The following SNRPN variants were observed in gnomAD, a reference collection of about 807,000 sequenced individuals.
SNRPN encodes small nuclear ribonucleoprotein polypeptide N, also known as small nuclear ribonucleoprotein-associated protein N.
Under a neutral mutation model 25.2 loss-of-function variants are expected in SNRPN, and 7 were observed. The observed-to-expected ratio is 0.28, with a 90% CI of 0.16 to 0.52. The LOEUF (loss-of-function observed/expected upper bound fraction) is 0.52, where lower values mean the gene tolerates loss of function less well. SNRPN is among the 20% of genes least tolerant of loss of function. The pLI is 0.96. For missense variants in SNRPN, 196 were observed against 322.5 expected (o/e 0.61, Z 3.00); for synonymous variants, 124 against 110.6 (o/e 1.12, Z -0.76).
intron 1 of SNRPN, among the ~76,000 whole-genome samples, chr15:24,868,403 TG>T (rs1386687490): frequency 6.6e-6 from 1 of 152,202 alleles, no homozygotes; most frequent in Non-Finnish European, 1.5e-5. Flanking sequence ...TTCTCCCACA[TG>T]GCAGAATGCT....
intron 3 of SNRPN, among the ~76,000 whole-genome samples, chr15:24,935,917 C>CAT (rs2152955400): frequency 6.6e-6 from 1 of 152,000 alleles, no homozygotes; most frequent in East Asian, 1.9e-4. Context: ...AGTTCAAGAC[C>CAT]AGCCTGGCCA....
At chr15:24,915,241 C>A (rs756778207) in intron 2 of SNRPN, among the ~76,000 whole-genome samples, 10 of 152,034 alleles carry the variant, frequency 6.6e-5, no homozygotes, top group African/African-American at 9.7e-5. Context: ...GATTCTCCTG[C>A]CTCAGCCTCC....
intron 3 of SNRPN, among the ~76,000 whole-genome samples, chr15:24,970,544 G>A (rs1189484779): frequency 6.6e-6 from 1 of 152,090 alleles, no homozygotes; most frequent in African/African-American, 2.4e-5. Flanking sequence ...GTGCCACTGC[G>A]CTTCAGCCTG....
At chr15:24,832,490 G>C (rs1488835026) in intron 2 of SNRPN, among the ~76,000 whole-genome samples, 2 of 151,976 alleles carry the variant, frequency 1.3e-5, no homozygotes, top group Non-Finnish European at 2.9e-5. Context: ...CAGTCAGCAG[G>C]ATTCTAAAAG....
intron 1 of SNRPN, among the ~76,000 whole-genome samples, chr15:24,867,733 A>G (rs1025590749): frequency 2.0e-5 from 3 of 152,086 alleles, no homozygotes; most frequent in Admixed American, 6.5e-5. Context: ...CCACTCCAAC[A>G]GTCTGTGTCT....
intron 1 of SNRPN, among the ~76,000 whole-genome samples, chr15:24,824,109 C>T (rs542433849): frequency 6.6e-6 from 1 of 151,958 alleles, no homozygotes; most frequent in African/African-American, 2.4e-5. Context: ...TAGTGTTTTC[C>T]AGAAATTTGC....
intron 1 of SNRPN, among the ~76,000 whole-genome samples, chr15:24,873,396 G>T (rs113662179): frequency 8.7e-6 from 1 of 114,504 alleles, no homozygotes; most frequent in South Asian, 3.3e-4. Context: ...GCACGATCCC[G>T]ACTCACTGCA....
intron 2 of SNRPN, among the ~76,000 whole-genome samples, chr15:24,839,157 TAGA>T (rs1197526253): frequency 2.2e-4 from 33 of 152,176 alleles, no homozygotes; most frequent in Non-Finnish European, 1.5e-5. Context: ...TACTACTAGA[TAGA>T]AGTACCGCCT....
chr15:24,863,560 T>C (rs555541760), intron 1 of SNRPN, among the ~76,000 whole-genome samples: 38 of 150,844 alleles, frequency 2.5e-4, no homozygotes, highest in Middle Eastern at 3.4e-3. Context: ...TTTTGACTTT[T>C]TTCTACCACA....
chr15:24,950,670 C>T (rs1245590275), upstream of SNRPN, among the ~76,000 whole-genome samples: 1 of 150,644 alleles, frequency 6.6e-6, no homozygotes, highest in African/African-American at 2.4e-5. Flanking sequence ...ACCTCAGCCT[C>T]CCGAGTAGCT....
chr15:24,911,158 G>A (rs1436090444), intron 2 of SNRPN: 2 of 577,234 alleles, frequency 3.5e-6, no homozygotes, highest in Non-Finnish European at 5.4e-6. Context: ...TGCTGGAAAG[G>A]GCCAAAGAAA....
chr15:24,837,553 TA>T (rs2051313239), intron 2 of SNRPN, among the ~76,000 whole-genome samples: 1 of 151,602 alleles, frequency 6.6e-6, no homozygotes, highest in African/African-American at 2.4e-5. Context: ...GTATTTTTGG[TA>T]GAGACGGGGT....
At chr15:24,850,082 A>G (rs992041330) in intron 2 of SNRPN, 1 of 152,154 alleles carries the variant, frequency 6.6e-6, no homozygotes, top group African/African-American at 2.4e-5. Context: ...AGGCTGGACC[A>G]CTGTCTGTGT....
At chr15:24,921,641 C>T (rs956951285) in intron 3 of SNRPN, among the ~76,000 whole-genome samples, 2 of 152,058 alleles carry the variant, frequency 1.3e-5, no homozygotes, top group African/African-American at 4.8e-5. Context: ...GTTAACATGT[C>T]GTAACTGAGG....
Position 24,967,950 on chromosome 15 carries a change from G to C in SNRPN, c.-276G>C, listed in dbSNP as rs148434270. On this transcript the variant is annotated 5_prime_UTR_variant, in exon 3 of 10. Transcript: ENST00000390687. ...GTTGTAGGTGTCAGTTGTACCCGAG[G>C]CGTTCTCAGCAGCAGCAAGTACCTG... The C allele has an allele frequency of 4.6e-4, 746 of 1,613,898 alleles. No individual in the cohort carries two copies. The highest frequency in any genetic ancestry group is 6.0e-4 in the Non-Finnish European group (705 of 1,180,010).
intron 2 of SNRPN, among the ~76,000 whole-genome samples, chr15:24,898,111 A>G (rs1236035655): frequency 1.3e-5 from 2 of 152,178 alleles, no homozygotes; most frequent in Non-Finnish European, 2.9e-5. Flanking sequence ...TGCTAACACC[A>G]TAGGGGCAAA....
chr15:24,955,201 A>G, intron 1 of SNRPN, 139 bp downstream of exon 1: 1 of 1,197,550 alleles, frequency 8.4e-7, no homozygotes. Flanking sequence ...CTGGAGAACC[A>G]GATCCGGAAT....
intron 1 of SNRPN, among the ~76,000 whole-genome samples, chr15:24,881,878 C>T (rs937972340): frequency 2.6e-5 from 4 of 152,142 alleles, no homozygotes; most frequent in African/African-American, 7.2e-5. Context: ...GGTACCAGAA[C>T]AAAGCCTGGC....
intron 3 of SNRPN, among the ~76,000 whole-genome samples, chr15:24,923,876 C>CGTGTGTGTGTGTGTGTGTGT (rs1488829289): frequency 1.2e-4 from 13 of 107,052 alleles, no homozygotes; most frequent in Non-Finnish European, 2.0e-4. Context: ...TTTTTAGTGC[C>CGTGTGTGTGTGTGTGTGTGT]GTGTATGTGT....
Sources: gnomAD v4.1 joint callset for allele counts (sites outside exome capture counted in the v4.1 genomes callset) on GRCh38, gnomAD v4.1.1 for gene constraint, MANE v1.5 for transcripts, NCBI Gene and HGNC (gene_info 2026-07-23, HGNC 2026-07-21) for gene names.